The following ZNF730 variants were observed in gnomAD, a reference collection of about 807,000 sequenced individuals.
ZNF730 encodes putative zinc finger protein 730.
In ZNF730, 12 loss-of-function variants were observed where a neutral mutation model predicts 12.6. The ratio of observed to expected loss-of-function variants is 0.95; its 90% CI spans 0.61 to 1.54. ZNF730 has a LOEUF of 1.54. Ranked by LOEUF, ZNF730 falls within the 40% of genes most tolerant of loss-of-function variation. The probability of loss-of-function intolerance (pLI) is 0.00; values close to 1 mark genes in which losing one functional copy is unlikely to be tolerated. For missense variants in ZNF730, 643 were observed against 583.5 expected (o/e 1.10, Z -1.05); for synonymous variants, 194 against 195.8 (o/e 0.99, Z 0.08).
Position 23,146,197 on chromosome 19 carries a change from A to G in ZNF730, c.1153A>G (p.Ile385Val). 6.2e-7 allele frequency: 1 copy of G among 1,609,590 alleles called. No homozygotes were observed. The highest frequency in any genetic ancestry group is 8.5e-7 in the Non-Finnish European group (1 of 1,177,406). The part of the protein sequence containing the change: ...KAFNQSSTLT[I>V]HKIIHTVEKF... Reference sequence around the variant, plus strand: ...TTTTAACCAATCCTCAACTCTTACTATACATAAGATAATTCATACTGTAGA... The same window carrying G: ...TTTTAACCAATCCTCAACTCTTACTGTACATAAGATAATTCATACTGTAGA... Residue 385 changes from isoleucine to valine, a missense_variant, in exon 4 of 4, where the codon ATA (isoleucine) becomes GTA (valine). By Grantham distance (29) the Ile-to-Val change is conservative. Transcript: ENST00000597761.
Position 23,110,393 on chromosome 19 carries a change from C to T in ZNF730, c.-93-23687C>T, listed in dbSNP as rs192396257. 5.7e-3 allele frequency among the ~76,000 whole-genome samples: 835 copies of T among 146,212 alleles called. 12 individuals carry two copies. Among genetic ancestry groups the T allele is most frequent in the African/African-American group, 0.02 (799 of 39,142 alleles). On this transcript the variant is annotated intron_variant, in intron 1 of 2. Coordinates refer to the ZNF730 transcript ENST00000593635. ...CCAGGTTCAAGCGATTCTCCTGCCT[C>T]AGCCTCCCAAGTAGCTGAGATTACA...
At chr19:23,100,375 T>C (rs1391098485) in intron 1 of ZNF730, 1 of 152,046 alleles carries the variant, frequency 6.6e-6, no homozygotes, top group African/African-American at 2.4e-5. Flanking sequence ...CTTAGGAAAA[T>C]GAGGAAGTCG....
At chr19:23,088,309 G>A (rs887535551) in intron 1 of ZNF730, among the ~76,000 whole-genome samples, 6 of 150,820 alleles carry the variant, frequency 4.0e-5, no homozygotes, top group African/African-American at 7.3e-5. Context: ...TGTGAGCCAC[G>A]CACCCAGCCT....
At chr19:23,143,007 G>A (rs970425939) in intron 3 of ZNF730, among the ~76,000 whole-genome samples, 1 of 152,106 alleles carries the variant, frequency 6.6e-6, no homozygotes, top group Admixed American at 6.5e-5. Context: ...CACTTTGGGA[G>A]GCCGAGGCAG....
intron 3 of ZNF730, among the ~76,000 whole-genome samples, chr19:23,138,428 G>A (rs1201820781): frequency 2.0e-5 from 3 of 152,132 alleles, no homozygotes; most frequent in African/African-American, 7.2e-5. Flanking sequence ...AGTGCTTCGG[G>A]GAAGACAATA....
intron 3 of ZNF730, among the ~76,000 whole-genome samples, chr19:23,140,137 A>AT (rs576187771): frequency 1.3e-5 from 2 of 150,288 alleles, no homozygotes; most frequent in South Asian, 2.1e-4. Context: ...CATCTTATAT[A>AT]TTTTTTTTTC....
At chr19:23,143,251 G>GAA (rs921156446) in intron 3 of ZNF730, among the ~76,000 whole-genome samples, 1 of 136,824 alleles carries the variant, frequency 7.3e-6, no homozygotes, top group African/African-American at 2.7e-5. Flanking sequence ...TCTCAAAAAA[G>GAA]AAAAAAAAAA....
chr19:23,075,287 C>A, exon 1 of ZNF730: 1 of 153,312 alleles, frequency 6.5e-6, no homozygotes, highest in South Asian at 1.8e-4. Context: ...AACCACCGAC[C>A]CCCGCCCGGC....
chr19:23,096,948 T>C (rs1281430755), intron 1 of ZNF730, among the ~76,000 whole-genome samples: 4 of 152,204 alleles, frequency 2.6e-5, no homozygotes, highest in African/African-American at 9.6e-5. Context: ...ATCTTTTTCA[T>C]CACCTAGGTG....
At chr19:23,132,233 A>G (rs1229380805) in intron 1 of ZNF730, among the ~76,000 whole-genome samples, 1 of 152,188 alleles carries the variant, frequency 6.6e-6, no homozygotes, top group African/African-American at 2.4e-5. Flanking sequence ...TTGTTAAGGC[A>G]TATTCTCCAG....
rs534364178 is a variant in ZNF730 at position 23,129,579 on chromosome 19, C to G, written c.4-4501C>G. Among the ~76,000 whole-genome samples the G allele has an allele frequency of 5.3e-5, 8 of 150,974 alleles. No homozygotes were observed. The East Asian group carries it at 1.6e-3, about 29-fold the overall frequency. On this transcript the variant is annotated intron_variant, in intron 1 of 3. Transcript: ENST00000597761. Reference sequence around the variant, plus strand: ...ATTTACCCAATGCTTGTATCCCCCCCCCCATTATATCAGGGAAGTAACTAA... The same window carrying G: ...ATTTACCCAATGCTTGTATCCCCCCGCCCATTATATCAGGGAAGTAACTAA...
intron 3 of ZNF730, among the ~76,000 whole-genome samples, chr19:23,139,827 C>G (rs1434308184): frequency 1.2e-4 from 18 of 152,112 alleles, no homozygotes; most frequent in Admixed American, 1.2e-3. Flanking sequence ...GCTCAGCTGA[C>G]AAATTCTTTT....
intron 3 of ZNF730, chr19:23,143,494 G>A (rs970767230): frequency 6.6e-6 from 1 of 152,056 alleles, no homozygotes; most frequent in African/African-American, 2.4e-5. Flanking sequence ...TTTTATGTAT[G>A]TGCATATTTT....
At chr19:23,131,377 T>G (rs1970740882) in intron 1 of ZNF730, among the ~76,000 whole-genome samples, 1 of 152,266 alleles carries the variant, frequency 6.6e-6, no homozygotes, top group Admixed American at 6.5e-5. Context: ...GCTATCACAG[T>G]GCCCTGTAGC....
In ZNF730 at chr19:23,102,677, G is replaced by A. The variant is rs148443612; in HGVS notation, c.-94+27290G>A. ...ATCCCGGCTAATTTTTGTATTTTCCGTAGAGACATGGTTTCAGCATGTTGG... is the reference window on the plus strand; with the variant it reads ...ATCCCGGCTAATTTTTGTATTTTCCATAGAGACATGGTTTCAGCATGTTGG... On this transcript the variant is annotated intron_variant, in intron 1 of 2. Transcript: ENST00000593635. Among the ~76,000 whole-genome samples the A allele has an allele frequency of 1.1e-4, 16 of 151,774 alleles. No individual in the cohort carries two copies. In the East Asian group the frequency reaches 2.1e-3, roughly 20 times the overall value.
At chr19:23,079,235 G>A (rs535917930) in intron 1 of ZNF730, among the ~76,000 whole-genome samples, 47 of 152,234 alleles carry the variant, frequency 3.1e-4, no homozygotes, top group Non-Finnish European at 4.7e-4. Context: ...TTGGCTCACT[G>A]CAACCTCTGC....
Position 23,095,221 on chromosome 19 carries a change from G to C in ZNF730, c.-94+19834G>C, listed in dbSNP as rs916254940. Reference sequence around the variant, plus strand: ...ACATAGTGACATATCACTGGGTCTTGTACCCAGGTGGTGTGAATCTTCTGC... The same window carrying C: ...ACATAGTGACATATCACTGGGTCTTCTACCCAGGTGGTGTGAATCTTCTGC... On this transcript the variant is annotated intron_variant, in intron 1 of 2. Transcript: ENST00000593635. The C allele has an allele frequency of 1.3e-5, 5 of 394,586 alleles. No individual in the cohort carries two copies. In the East Asian group the frequency reaches 1.8e-4, roughly 14 times the overall value. The allele number at this position is 394,586 out of a possible 1,614,324, so 24.4% of individuals were successfully genotyped here.
At chr19:23,080,211 C>T (rs948625914) in intron 1 of ZNF730, among the ~76,000 whole-genome samples, 5 of 152,074 alleles carry the variant, frequency 3.3e-5, no homozygotes, top group East Asian at 1.9e-4. Flanking sequence ...ATATATGTGC[C>T]GCATTCGTTT....
At chr19:23,109,315 G>A (rs994474008) in intron 1 of ZNF730, among the ~76,000 whole-genome samples, 9 of 151,242 alleles carry the variant, frequency 6.0e-5, no homozygotes, top group Non-Finnish European at 8.8e-5. Flanking sequence ...CTGCAACCCC[G>A]CCTCCCAGGT....
Sources: allele counts gnomAD v4.1 joint callset (sites outside exome capture counted in the v4.1 genomes callset), GRCh38; gene constraint gnomAD v4.1.1; transcripts MANE v1.5; gene names NCBI Gene and HGNC (gene_info 2026-07-23, HGNC 2026-07-21).